LRBA: variants seen among roughly 807,000 people sequenced by gnomAD.
LRBA encodes LPS responsive beige-like anchor protein, also known as lipopolysaccharide-responsive and beige-like anchor protein.
A neutral mutation model predicts 330.0 loss-of-function variants in LRBA; 176 were observed. That is an observed-to-expected ratio of 0.53 (90% CI 0.47 to 0.60). The LOEUF is 0.60. Ranked by LOEUF, LRBA falls within the 20% of genes least tolerant of loss-of-function variation. The probability of loss-of-function intolerance (pLI) is 0.00; values close to 1 mark genes in which losing one functional copy is unlikely to be tolerated. For synonymous variants in LRBA, 1,230 were observed against 1,193.0 expected (o/e 1.03, Z -0.64); for missense variants, 3,259 against 3,444.8 (o/e 0.95, Z 1.35).
chr4:150,446,950 G>A (rs1014162150), intron 44 of LRBA, among the ~76,000 whole-genome samples: 2 of 151,898 alleles, frequency 1.3e-5, no homozygotes, highest in African/African-American at 4.8e-5. Context: ...TGGGGGAGGG[G>A]GTTAAATTTA....
intron 37 of LRBA, among the ~76,000 whole-genome samples, chr4:150,652,480 T>C (rs779327096): frequency 2.0e-5 from 3 of 152,196 alleles, no homozygotes; most frequent in Non-Finnish European, 4.4e-5. Flanking sequence ...TTTCCTTTTG[T>C]TTCCCATAAA....
chr4:150,534,403 T>G (rs1406054055), intron 40 of LRBA, among the ~76,000 whole-genome samples: 1 of 150,452 alleles, frequency 6.6e-6, no homozygotes, highest in East Asian at 1.9e-4. Context: ...CACTTTTTAG[T>G]ACATCATCCA....
chr4:150,909,093 TTA>T (rs1447212255), intron 9 of LRBA, among the ~76,000 whole-genome samples: 1 of 152,204 alleles, frequency 6.6e-6, no homozygotes, highest in African/African-American at 2.4e-5. Context: ...AGATCATATT[TTA>T]TCTTTTTTCG....
At chr4:150,544,190 C>T (rs1035437665) in intron 40 of LRBA, among the ~76,000 whole-genome samples, 2 of 151,308 alleles carry the variant, frequency 1.3e-5, no homozygotes, top group Non-Finnish European at 2.9e-5. Flanking sequence ...TGCAGTGGTA[C>T]GATCTCGGCT....
intron 11 of LRBA, among the ~76,000 whole-genome samples, chr4:150,907,490 T>C (rs531511816): frequency 3.3e-5 from 5 of 152,236 alleles, no homozygotes; most frequent in African/African-American, 1.2e-4. Context: ...TGACAAATAC[T>C]AGATTTGATA....
At chr4:150,445,369 CTCTCTCTCTATATA>C (rs1329395088) in intron 44 of LRBA, among the ~76,000 whole-genome samples, 59 of 84,388 alleles carry the variant, frequency 7.0e-4, no homozygotes, top group South Asian at 1.6e-3. Flanking sequence ...CTCTCTCTCT[CTCTCTCTCTATATA>C]TATATATATA....
At chr4:150,556,347 T>A (rs1333155914) in intron 40 of LRBA, among the ~76,000 whole-genome samples, 1 of 152,170 alleles carries the variant, frequency 6.6e-6, no homozygotes, top group Non-Finnish European at 1.5e-5. Context: ...AGCAACTATG[T>A]TTGAAGTTTA....
At chr4:150,840,592 T>C (rs571335225) in intron 28 of LRBA, 1 of 153,462 alleles carries the variant, frequency 6.5e-6, no homozygotes, top group Admixed American at 6.5e-5. Context: ...TGGGTGTGGT[T>C]TGTGGTGCCC....
chr4:150,925,164 TA>T (rs10718196), intron 4 of LRBA, among the ~76,000 whole-genome samples: 137,043 of 144,106 alleles, frequency 0.95, 65,385 homozygotes, highest in East Asian at 1. Flanking sequence ...ACCCTGTCTT[TA>T]AAAAAAAAAA....
chr4:150,756,930 G>C (rs1734386910), intron 35 of LRBA, among the ~76,000 whole-genome samples: 2 of 152,136 alleles, frequency 1.3e-5, no homozygotes, highest in Admixed American at 1.3e-4. Flanking sequence ...AAAGTAAACA[G>C]AGGTGCTGAT....
At chr4:150,658,359 CAA>C (rs773218827) in intron 37 of LRBA, among the ~76,000 whole-genome samples, 12 of 99,986 alleles carry the variant, frequency 1.2e-4, no homozygotes, top group African/African-American at 1.0e-4. Context: ...GTCTGCAAGC[CAA>C]AAAAAAAAAA....
intron 34 of LRBA, among the ~76,000 whole-genome samples, chr4:150,770,584 T>C (rs993957225): frequency 3.8e-5 from 2 of 52,414 alleles, no homozygotes; most frequent in African/African-American, 8.6e-5. Context: ...TATATATATA[T>C]ATACACACAC....
chr4:150,683,914 C>T, intron 36 of LRBA, 197 bp from the exon 37 acceptor site: 2 of 524,724 alleles, frequency 3.8e-6, no homozygotes, highest in Non-Finnish European at 6.8e-6. Flanking sequence ...TGAAGTCAAT[C>T]ATGAGATACA....
rs1041173014 is a variant in LRBA, at chr4:150,974,653, G to T, written c.216+39774C>A. Reference sequence around the variant, plus strand: ...GTATAGCAGATAAATAGAAGCGCTGGCTACAGTGCTGACAGAAACCTTGTC... The same window carrying T: ...GTATAGCAGATAAATAGAAGCGCTGTCTACAGTGCTGACAGAAACCTTGTC... On this transcript the variant is annotated intron_variant, in intron 2 of 56. Transcript: ENST00000651943. Among the ~76,000 whole-genome samples the T allele has an allele frequency of 3.3e-5, 5 of 152,170 alleles. No individual in the cohort carries two copies. The East Asian group carries it at 9.6e-4, about 29-fold the overall frequency.
At chr4:150,596,141 T>C (rs1279151019) in intron 38 of LRBA, among the ~76,000 whole-genome samples, 2 of 151,872 alleles carry the variant, frequency 1.3e-5, no homozygotes, top group African/African-American at 4.8e-5. Flanking sequence ...AAAAATTACC[T>C]AAAGCTTTTT....
intron 37 of LRBA, among the ~76,000 whole-genome samples, chr4:150,660,533 C>T (rs1246989962): frequency 1.2e-4 from 18 of 150,954 alleles, no homozygotes; most frequent in Non-Finnish European, 4.5e-5. Context: ...AGGTGAGGGG[C>T]GCCTCTGCCC....
At chr4:150,338,362 C>T (rs959909686) in intron 48 of LRBA, among the ~76,000 whole-genome samples, 24 of 151,986 alleles carry the variant, frequency 1.6e-4, no homozygotes, top group African/African-American at 3.4e-4. Flanking sequence ...AATGTATTTA[C>T]GTGAAAAGTA....
intron 41 of LRBA, among the ~76,000 whole-genome samples, chr4:150,489,738 T>G (rs967790240): frequency 3.0e-5 from 4 of 134,628 alleles, no homozygotes; most frequent in Non-Finnish European, 4.7e-5. Flanking sequence ...ATATAATAAT[T>G]ATACATAGGA....
chr4:150,402,092 C>A, intron 47 of LRBA, among the ~76,000 whole-genome samples: 1 of 146,030 alleles, frequency 6.8e-6, no homozygotes, highest in African/African-American at 2.5e-5. Context: ...AGATCGAGAT[C>A]ATCCTGACTA....
Sources: allele counts gnomAD v4.1 joint callset (sites outside exome capture counted in the v4.1 genomes callset), GRCh38; gene constraint gnomAD v4.1.1; transcripts MANE v1.5; gene names NCBI Gene and HGNC (gene_info 2026-07-23, HGNC 2026-07-21).